The following KRT6C variants were observed in gnomAD, a reference collection of about 807,000 sequenced individuals.
The protein encoded by KRT6C is keratin 6C, also known as keratin, type II cytoskeletal 6C.
In KRT6C, 46 loss-of-function variants were observed where a neutral mutation model predicts 49.4. The ratio of observed to expected loss-of-function variants is 0.93; its 90% CI spans 0.74 to 1.19. The LOEUF (loss-of-function observed/expected upper bound fraction) is 1.19, where lower values mean the gene tolerates loss of function less well. Ranked by LOEUF, KRT6C falls within the 50% of genes most tolerant of loss-of-function variation. The pLI is 0.00. For synonymous variants in KRT6C, 236 were observed against 297.1 expected (o/e 0.79, Z 2.12); for missense variants, 552 against 737.5 (o/e 0.75, Z 2.91).
intron 6 of KRT6C, chr12:52,470,222 C>T (rs1937850731): frequency 3.4e-6 from 2 of 596,816 alleles, no homozygotes; most frequent in Admixed American, 2.9e-5. Flanking sequence ...TTGAGGAATA[C>T]ATCTGGATGC....
Position 52,472,136 on chromosome 12 carries a change from C to A in KRT6C, c.685G>T (p.Val229Phe), listed in dbSNP as rs763636809. Residue 229 changes from valine to phenylalanine, a missense_variant, in exon 2 of 9, where the codon GTC becomes TTC. Around this residue, in one of 3 missense-constraint regions of KRT6C, gnomAD observed 425 missense variants for 439.4 expected, o/e 0.97. Transcript: ENST00000252250. The part of the protein sequence containing the change: ...NNLRRQLDSI[V>F]GERGRLDSEL... ...GAGTCCAGGCGGCCCCGTTCCCCGA[C>A]GATGCTGTCCAGCTGCCTCCTGAGG... 4 of 1,543,890 alleles carry A rather than the reference C, an allele frequency of 2.6e-6. 1 individual carries two copies. Among genetic ancestry groups the A allele is most frequent in the Non-Finnish European group, 1.8e-6 (2 of 1,124,792 alleles).
chr12:52,470,421 G>A (rs1937854716), intron 6 of KRT6C, 84 bp downstream of exon 6: 5 of 1,610,798 alleles, frequency 3.1e-6, no homozygotes, highest in Middle Eastern at 1.7e-4. Flanking sequence ...TACGTTTCAG[G>A]AATTATATCA....
rs950425339 is a variant in KRT6C at position 52,472,106 on chromosome 12, G to C, written c.715C>G (p.Leu239Val). Residue 239 changes from leucine (L) to valine (V), a missense_variant, in exon 2 of 9, where the codon CTG (leucine) becomes GTG (valine). By Grantham distance (32) the Leu-to-Val change is conservative. Transcript: ENST00000252250. ...VGERGRLDSE[L>V]RNMQDLVEDL... The stretch of plus-strand genomic sequence containing the variant: ...TCCACCAGGTCCTGCATGTTTCTCA[G>C]CTCCGAGTCCAGGCGGCCCCGTTCC... 5 of 1,599,446 alleles carry C rather than the reference G, an allele frequency of 3.1e-6. No homozygotes were observed. The African/African-American group carries it at 5.4e-5, about 17-fold the overall frequency.
In KRT6C at chr12:52,471,201, C is replaced by T; in HGVS notation, c.1008G>A (p.Glu336=). 6.2e-7 allele frequency: 1 copy of T among 1,614,182 alleles called. No individual in the cohort carries two copies. Among genetic ancestry groups the T allele is most frequent in the South Asian group, 1.1e-5 (1 of 91,074 alleles). The change falls in exon 5 of 9, where the codon GAG becomes GAA. Residue 336 remains glutamate, a synonymous_variant. Transcript: ENST00000252250. ...RNLDLDSIIA[E]VKAQYEEIAQ... ...CAATCTCCTCGTATTGGGCCTTGAC[C>T]TCAGCGATGATGCTGTCCAGGTCCA...
intron 6 of KRT6C, 195 bp downstream of exon 6, chr12:52,470,310 G>A: frequency 4.2e-6 from 4 of 949,432 alleles, no homozygotes; most frequent in African/African-American, 1.6e-5. Context: ...ACCTGGCCTT[G>A]CTTGTGCCTC....
In KRT6C at chr12:52,469,044, A is replaced by G; in HGVS notation, c.*18T>C. The G allele has an allele frequency of 6.2e-7, 1 of 1,614,132 alleles. No homozygotes were observed. Among genetic ancestry groups the G allele is most frequent in the Non-Finnish European group, 8.5e-7 (1 of 1,180,012 alleles). ...GAAGGGCCTGAGGACTGTGGGACCG[A>G]GAGCTGGAGGCAGCACTTTAGTGCT... On this transcript the variant is annotated 3_prime_UTR_variant, in exon 9 of 9. Coordinates refer to ENST00000252250, the MANE Select transcript of KRT6C (RefSeq NM_173086.5).
chr12:52,470,962 C>T (rs558151488), intron 5 of KRT6C, among the ~76,000 whole-genome samples, 170 bp downstream of exon 5: 30 of 152,282 alleles, frequency 2.0e-4, no homozygotes, highest in South Asian at 6.2e-4. Flanking sequence ...TCTTTTTCCT[C>T]CTTGACTTGC....
In KRT6C at chr12:52,473,231, G is replaced by A. The variant is rs1272871872; in HGVS notation, c.507C>T (p.Thr169=). ...TGAAGGAGGCAAACTTGTTGTTGAG[G>A]GTCTTGATCTGCTCACGCTCCTCGG... The part of the protein sequence containing the change: ...VRAEEREQIK[T]LNNKFASFID... Residue 169 remains threonine, a synonymous_variant, in exon 1 of 9, where the codon ACC becomes ACT. Transcript: ENST00000252250. 1.3e-6 allele frequency: 2 copies of A among 1,576,836 alleles called. No individual in the cohort carries two copies. Among genetic ancestry groups the A allele is most frequent in the Middle Eastern group, 2.0e-4 (1 of 5,120 alleles).
chr12:52,470,171 G>A (rs1445414564), intron 6 of KRT6C: 7 of 601,852 alleles, frequency 1.2e-5, no homozygotes, highest in South Asian at 1.0e-4. Context: ...ATGAATGCTC[G>A]GTTTGTACTG....
At chr12:52,470,399 C>G in intron 6 of KRT6C, 106 bp downstream of exon 6, 3 of 1,590,868 alleles carry the variant, frequency 1.9e-6, no homozygotes, top group Non-Finnish European at 2.6e-6. Flanking sequence ...GTTCCTCACC[C>G]TAGTGTTGGT....
chr12:52,470,145 A>G, intron 6 of KRT6C: 2 of 616,324 alleles, frequency 3.2e-6, no homozygotes, highest in Non-Finnish European at 2.8e-6. Flanking sequence ...GGACCCAAAA[A>G]CAAGCCATAT....
In KRT6C at chr12:52,471,516, C is replaced by G. The variant is rs1193880245; in HGVS notation, c.817G>C (p.Asp273His). ...AENEFVTLKK[D>H]VDAAYMNKVE... ...TTGTTCATGTAGGCAGCATCCACAT[C>G]CTGGGGAAAGAGCCAACAACCTGGA... The change falls in exon 4 of 9, where the codon GAT becomes CAT. Residue 273 changes from aspartate to histidine, a missense_variant and splice_region_variant. Coordinates refer to ENST00000252250, the MANE Select transcript of KRT6C (RefSeq NM_173086.5). 1 of 1,613,430 alleles carries G rather than the reference C, an allele frequency of 6.2e-7. No homozygotes were observed. Among genetic ancestry groups the G allele is most frequent in the Non-Finnish European group, 8.5e-7 (1 of 1,179,780 alleles).
Position 52,472,220 on chromosome 12 carries a change from G to C in KRT6C, c.601C>G (p.Gln201Glu), listed in dbSNP as rs1381494148. Residue 201 changes from glutamine (Q) to glutamate (E), a missense_variant, in exon 2 of 9, where the codon CAG becomes GAG. Coordinates refer to ENST00000252250, the MANE Select transcript of KRT6C (RefSeq NM_173086.5). ...TTCTGCCTCACAGTCTTGGTGCCCT[G>C]CTCCTGCAGCAGGGTCCACTTGGTG... ...LDTKWTLLQEQGTKTVRQNLE... is the reference protein window; with the variant it reads ...LDTKWTLLQEEGTKTVRQNLE... 6.8e-7 allele frequency: 1 copy of C among 1,469,060 alleles called. No homozygotes were observed. 91.0% of individuals were successfully genotyped at this position (1,469,060 alleles called of 1,614,324 possible).
Position 52,469,722 on chromosome 12 carries a change from G to A in KRT6C, c.1372C>T (p.Leu458=). 1 of 1,614,146 alleles carries A rather than the reference G, an allele frequency of 6.2e-7. No individual in the cohort carries two copies. The highest frequency in any genetic ancestry group is 8.5e-7 in the Non-Finnish European group (1 of 1,180,014). ...CGGTAGGTGGCGATCTCCACATCCA[G>A]GGCCAGCTTGACATTCATCAGCTCC... ...YQELMNVKLA[L]DVEIATYRKL... The change falls in exon 7 of 9, where the codon CTG becomes TTG. Residue 458 remains leucine (L), a synonymous_variant. Transcript: ENST00000252250.
rs528744555 is a variant in KRT6C at position 52,471,865 on chromosome 12, T to C, written c.756-133A>G. The C allele has an allele frequency of 6.9e-5, 96 of 1,382,074 alleles. 1 individual carries two copies. Among genetic ancestry groups the C allele is most frequent in the South Asian group, 3.4e-4 (29 of 85,856 alleles). The allele number at this position is 1,382,074 out of a possible 1,614,324, so 85.6% of individuals were successfully genotyped here. A position where few individuals can be genotyped will look rare whatever the true frequency, so the allele number is the denominator to read the frequency against. ...TTCCTGCCACAGAGAGCCAAAGAGA[T>C]GAGTTTTGCTACTACTAAATTTGCC... On this transcript the variant is annotated intron_variant, in intron 2 of 8. Transcript: ENST00000252250.
At position 52,469,850 on chromosome 12, in the gene KRT6C, C is replaced by T. The variant is rs748113564; in HGVS notation, c.1244G>A (p.Arg415His). ...LQAAIADAEQ[R>H]GEMALKDAKN... is the part of the protein sequence containing the mutation. ...AGCATCCTTGAGTGCCATCTCCCCA[C>T]GCTGCTCAGCATCAGCAATGGCAGC... Residue 415 changes from arginine (R) to histidine (H), a missense_variant, in exon 7 of 9, where the codon CGT becomes CAT. By Grantham distance (29) the Arg-to-His change is conservative. This residue lies in a region of KRT6C where 425 missense variants were observed against 439.4 expected (regional missense o/e 0.97). Transcript: ENST00000252250. The T allele has an allele frequency of 1.9e-5, 31 of 1,614,118 alleles. No homozygotes were observed. Among genetic ancestry groups the T allele is most frequent in the Non-Finnish European group, 2.5e-5 (29 of 1,180,018 alleles).
At chr12:52,470,333 T>C in intron 6 of KRT6C, 172 bp downstream of exon 6, 1 of 1,217,350 alleles carries the variant, frequency 8.2e-7, no homozygotes, top group Admixed American at 1.9e-5. Flanking sequence ...AGGCTCATCC[T>C]CTTGGGTGGG....
At chr12:52,470,772 G>C (rs542412365) in intron 5 of KRT6C, 142 bp from the exon 6 acceptor site, 4 of 1,549,788 alleles carry the variant, frequency 2.6e-6, no homozygotes, top group Admixed American at 3.4e-5. Flanking sequence ...GATGTTATGT[G>C]GTGGGTGGAT....
chr12:52,468,713 C>A lies in KRT6C; in HGVS notation c.*349G>T. Reference sequence around the variant, plus strand: ...AAGTGGAAGTTGTTCTGAAATAAGCCCCAGGCGATTTTCAGTAATGAAAAG... The same window carrying A: ...AAGTGGAAGTTGTTCTGAAATAAGCACCAGGCGATTTTCAGTAATGAAAAG... On this transcript the variant is annotated 3_prime_UTR_variant, in exon 9 of 9. Coordinates refer to ENST00000252250, the MANE Select transcript of KRT6C (RefSeq NM_173086.5). 1 of 311,510 alleles carries A rather than the reference C, an allele frequency of 3.2e-6. No individual in the cohort carries two copies. The highest frequency in any genetic ancestry group is 6.0e-6 in the Non-Finnish European group (1 of 166,558). 19.3% of individuals were successfully genotyped at this position (311,510 alleles called of 1,614,324 possible).
Sources: gnomAD v4.1 joint callset for allele counts (sites outside exome capture counted in the v4.1 genomes callset) on GRCh38, gnomAD v4.1.1 for gene constraint, gnomAD v4.1.1 regional missense constraint, MANE v1.5 for transcripts, NCBI Gene and HGNC (gene_info 2026-07-23, HGNC 2026-07-21) for gene names.